The following SLC44A1 variants were observed in gnomAD, a reference collection of about 807,000 sequenced individuals.
The protein encoded by SLC44A1 is choline transporter-like protein 1.
A neutral mutation model predicts 79.3 loss-of-function variants in SLC44A1; 26 were observed. The observed-to-expected ratio is 0.33, with a 90% CI of 0.24 to 0.46. The LOEUF is 0.46. Among genes scored for constraint, SLC44A1 ranks in the 20% least tolerant of loss-of-function variants. The pLI, the probability that SLC44A1 is intolerant of heterozygous loss-of-function variation, is 1.00. For synonymous variants in SLC44A1, 263 were observed against 286.2 expected (o/e 0.92, Z 0.82); for missense variants, 688 against 798.1 (o/e 0.86, Z 1.66).
intron 1 of SLC44A1, among the ~76,000 whole-genome samples, chr9:105,256,564 TC>T (rs2098065888): frequency 7.0e-6 from 1 of 142,386 alleles, no homozygotes; most frequent in African/African-American, 2.8e-5. Context: ...GGCTGGAAAC[TC>T]TTTTTTTTTT....
At chr9:105,320,167 G>C (rs1417354653) in intron 3 of SLC44A1, among the ~76,000 whole-genome samples, 1 of 152,016 alleles carries the variant, frequency 6.6e-6, no homozygotes, top group Non-Finnish European at 1.5e-5. Context: ...TGAGATTCAT[G>C]CATGTTGTTA....
At chr9:105,363,557 C>T (rs1198097355) in intron 9 of SLC44A1, among the ~76,000 whole-genome samples, 2 of 151,666 alleles carry the variant, frequency 1.3e-5, no homozygotes, top group African/African-American at 2.4e-5. Flanking sequence ...CTCAGCCTCC[C>T]AGGTTTAAGC....
At chr9:105,401,800 C>T (rs900787939), downstream of SLC44A1, among the ~76,000 whole-genome samples, 4 of 152,204 alleles carry the variant, frequency 2.6e-5, no homozygotes, top group Non-Finnish European at 5.9e-5. Context: ...CCTGAGACCT[C>T]TTCTGGTCAG....
chr9:105,278,438 T>A (rs998139566), intron 1 of SLC44A1, among the ~76,000 whole-genome samples: 17 of 152,092 alleles, frequency 1.1e-4, no homozygotes, highest in African/African-American at 3.9e-4. Flanking sequence ...TTAGTAGAGA[T>A]GGGGTTTCAT....
chr9:105,287,327 T>C (rs752054925), intron 1 of SLC44A1, among the ~76,000 whole-genome samples: 1 of 152,230 alleles, frequency 6.6e-6, no homozygotes, highest in Non-Finnish European at 1.5e-5. Flanking sequence ...GGCATTTCAG[T>C]TTTTCTCATT....
intron 5 of SLC44A1, among the ~76,000 whole-genome samples, chr9:105,351,889 A>T (rs1425434194): frequency 3.3e-5 from 5 of 152,184 alleles, no homozygotes; most frequent in Non-Finnish European, 7.3e-5. Flanking sequence ...CACACCACTA[A>T]TTGTTGCAAA....
rs577705418 is a variant in SLC44A1 at position 105,278,066 on chromosome 9, CTT to C, written c.37-21142_37-21141del. Among the ~76,000 whole-genome samples the C allele has an allele frequency of 7.7e-3, 1,105 of 143,960 alleles. 6 individuals carry two copies. Among genetic ancestry groups the C allele is most frequent in the African/African-American group, 0.026 (1,037 of 39,630 alleles). 94.4% of individuals were successfully genotyped at this position (143,960 alleles called of 152,430 possible). On this transcript the variant is annotated intron_variant, in intron 1 of 15. Coordinates refer to ENST00000374720, the MANE Select transcript of SLC44A1 (RefSeq NM_080546.5). ...CAGGGAGGAATGTATTTGCAGCCTTCTTTTTTTTTTTTTAAGACAGGGTCTCA... is the reference window on the plus strand; with the variant it reads ...CAGGGAGGAATGTATTTGCAGCCTTCTTTTTTTTTTTAAGACAGGGTCTCA...
chr9:105,354,301 C>A (rs559805529), intron 5 of SLC44A1, among the ~76,000 whole-genome samples: 2 of 151,798 alleles, frequency 1.3e-5, no homozygotes, highest in Non-Finnish European at 2.9e-5. Context: ...CCGCCCGCCT[C>A]GGCCTCCCAA....
rs1830945651 is a variant in SLC44A1 at position 105,303,828 on chromosome 9, C to G, written c.126+4519C>G. On this transcript the variant is annotated intron_variant, in intron 2 of 15. Coordinates refer to ENST00000374720, the MANE Select transcript of SLC44A1 (RefSeq NM_080546.5). Reference sequence around the variant, plus strand: ...CAGTGAAACGTGGTCTCATCAGTATCTCAGGCTCTGACCAAATCGCTTGGC... The same window carrying G: ...CAGTGAAACGTGGTCTCATCAGTATGTCAGGCTCTGACCAAATCGCTTGGC... 3.9e-5 allele frequency among the ~76,000 whole-genome samples: 6 copies of G among 152,322 alleles called. 1 individual carries two copies. The Middle Eastern group carries it at 0.02, about 518-fold the overall frequency.
rs547320171 is a variant in SLC44A1, at chr9:105,437,287, ATATATC to A, written c.1951-982_1951-977del. The stretch of plus-strand genomic sequence containing the variant: ...TCTAGATCTCGATATCTATCTATAG[ATATATC>A]TATATCTATATGTATAGATAGATAT... On this transcript the variant is annotated intron_variant, in intron 15 of 15. Coordinates refer to the SLC44A1 transcript ENST00000374724. Among the ~76,000 whole-genome samples the A allele has an allele frequency of 2.2e-4, 34 of 152,162 alleles. No individual in the cohort carries two copies. In the East Asian group the frequency reaches 3.9e-3, roughly 17 times the overall value.
rs188988843 is a variant in SLC44A1 at position 105,333,596 on chromosome 9, G to A, written c.270-1967G>A. Among the ~76,000 whole-genome samples, 35 of 152,304 alleles carry A rather than the reference G, an allele frequency of 2.3e-4. 1 individual carries two copies. In the East Asian group the frequency reaches 6.6e-3, roughly 29 times the overall value. On this transcript the variant is annotated intron_variant, in intron 3 of 15. Transcript: ENST00000374720. ...AGGCCAAGGCGGGTGGATCACCTGA[G>A]GTCAGGAGTTCAAGACCAGCCTGGC...
intron 4 of SLC44A1, among the ~76,000 whole-genome samples, chr9:105,345,075 C>T (rs1827208152): frequency 6.6e-6 from 1 of 152,082 alleles, no homozygotes. Flanking sequence ...TTTAGGAGGA[C>T]CTTGAATCCA....
chr9:105,335,948 A>G (rs1215436014), intron 4 of SLC44A1, among the ~76,000 whole-genome samples: 1 of 152,166 alleles, frequency 6.6e-6, no homozygotes. Context: ...TAAAATAAAT[A>G]TCTCAGGTGA....
chr9:105,428,144 T>C (rs997751900), intron 15 of SLC44A1, among the ~76,000 whole-genome samples: 2 of 152,180 alleles, frequency 1.3e-5, no homozygotes, highest in African/African-American at 2.4e-5. Flanking sequence ...ATGTAAATTT[T>C]TGATAATTTC....
In SLC44A1 at chr9:105,390,261, T is replaced by G. The variant is rs926788786; in HGVS notation, c.*1205T>G. On this transcript the variant is annotated 3_prime_UTR_variant, in exon 16 of 16. Transcript: ENST00000374720. The stretch of plus-strand genomic sequence containing the variant: ...TCCATTGTTCTGCTTGTTGTAATGG[T>G]GAATGCTTTAAGAAAAAAAAGTGTA... 7.4e-5 allele frequency: 78 copies of G among 1,049,830 alleles called. No individual in the cohort carries two copies. The highest frequency in any genetic ancestry group is 8.8e-5 in the Non-Finnish European group (77 of 872,238). 65.0% of individuals were successfully genotyped at this position (1,049,830 alleles called of 1,614,324 possible). A position where few individuals can be genotyped will look rare whatever the true frequency, so the allele number is the denominator to read the frequency against.
At chr9:105,339,540 T>C (rs575035812) in intron 4 of SLC44A1, among the ~76,000 whole-genome samples, 79 of 152,262 alleles carry the variant, frequency 5.2e-4, no homozygotes, top group African/African-American at 1.8e-3. Flanking sequence ...AAAGAAAATA[T>C]GGTGAACTGC....
chr9:105,299,170 T>C, intron 1 of SLC44A1, 50 bp from the exon 2 acceptor site: 1 of 1,390,758 alleles, frequency 7.2e-7, no homozygotes, highest in Non-Finnish European at 9.9e-7. Context: ...CCCTTCTAAC[T>C]TTAACTAAAC....
chr9:105,358,922 T>G (rs1227788125), intron 7 of SLC44A1, among the ~76,000 whole-genome samples: 1 of 152,154 alleles, frequency 6.6e-6, no homozygotes, highest in Non-Finnish European at 1.5e-5. Flanking sequence ...ACTGTGATTA[T>G]TAAAGTCAGA....
downstream of SLC44A1, among the ~76,000 whole-genome samples, chr9:105,399,760 G>T (rs575568738): frequency 1.8e-4 from 27 of 152,244 alleles, no homozygotes; most frequent in African/African-American, 6.0e-4. Flanking sequence ...GAAAGCAGGG[G>T]CTCAAGCAAT....
Sources: allele counts gnomAD v4.1 joint callset (sites outside exome capture counted in the v4.1 genomes callset), GRCh38; gene constraint gnomAD v4.1.1; transcripts MANE v1.5; gene names NCBI Gene and HGNC (gene_info 2026-07-23, HGNC 2026-07-21).